The following ADARB2 variants were observed in gnomAD, a reference collection of about 807,000 sequenced individuals.
ADARB2 encodes adenosine deaminase RNA specific B2 (inactive), also known as inactive double-stranded RNA-specific editase B2.
ADARB2 carries 25 observed loss-of-function variants against 62.2 expected under a neutral mutation model. The ratio of observed to expected loss-of-function variants is 0.40; its 90% confidence interval spans 0.29 to 0.56. The LOEUF (loss-of-function observed/expected upper bound fraction) is 0.56, where lower values mean the gene tolerates loss of function less well. Ranked by LOEUF, ADARB2 falls within the 20% of genes least tolerant of loss-of-function variation. The pLI is 0.43. For synonymous variants in ADARB2, 572 were observed against 500.8 expected (o/e 1.14, Z -1.90); for missense variants, 1,071 against 1,077.4 (o/e 0.99, Z 0.08).
intron 1 of ADARB2, among the ~76,000 whole-genome samples, chr10:1,634,448 G>A (rs760158386): frequency 6.6e-6 from 1 of 152,184 alleles, no homozygotes; most frequent in African/African-American, 2.4e-5. Flanking sequence ...GACCATCTGA[G>A]CTGAGAGGAG....
intron 1 of ADARB2, among the ~76,000 whole-genome samples, chr10:1,544,600 G>A (rs1221247491): frequency 6.6e-6 from 1 of 152,130 alleles, no homozygotes; most frequent in African/African-American, 2.4e-5. Flanking sequence ...GCCGGGGCCT[G>A]GACAGGGGGT....
chr10:1,256,972 G>A (rs1831085791), intron 4 of ADARB2, among the ~76,000 whole-genome samples: 1 of 152,162 alleles, frequency 6.6e-6, no homozygotes. Context: ...AGAGCATGAA[G>A]CCCGCGCTCA....
chr10:1,725,868 A>T (rs1033991903), intron 1 of ADARB2, among the ~76,000 whole-genome samples: 1 of 152,258 alleles, frequency 6.6e-6, no homozygotes, highest in African/African-American at 2.4e-5. Flanking sequence ...GGAGAGAGGC[A>T]TGAAGGCCAT....
At chr10:1,660,958 A>G (rs970478652) in intron 1 of ADARB2, among the ~76,000 whole-genome samples, 3 of 152,172 alleles carry the variant, frequency 2.0e-5, no homozygotes, top group Non-Finnish European at 4.4e-5. Flanking sequence ...CAACCCTGAG[A>G]TAAACCCCCC....
At chr10:1,325,191 G>A (rs1392979885) in intron 3 of ADARB2, among the ~76,000 whole-genome samples, 1 of 152,184 alleles carries the variant, frequency 6.6e-6, no homozygotes, top group Non-Finnish European at 1.5e-5. Flanking sequence ...CACAGATAGT[G>A]TCCATGAACC....
In ADARB2 at chr10:1,317,958, T is replaced by G. The variant is rs116638297; in HGVS notation, c.1077+45070A>C. Among the ~76,000 whole-genome samples the G allele has an allele frequency of 8.3e-3, 1,256 of 152,138 alleles. 11 individuals carry two copies. The highest frequency in any genetic ancestry group is 0.019 in the African/African-American group (774 of 41,494). ...GCCCCTTTACTCGACCCTCCCTCAA[T>G]CCCCGGTGTGAGTGCCAGGTAACTG... On this transcript the variant is annotated intron_variant, in intron 3 of 9. Coordinates refer to ENST00000381312, the MANE Select transcript of ADARB2 (RefSeq NM_018702.4).
chr10:1,432,843 G>T (rs553699071), intron 1 of ADARB2, among the ~76,000 whole-genome samples: 11 of 152,162 alleles, frequency 7.2e-5, no homozygotes, highest in African/African-American at 2.4e-4. Context: ...GAAGGCCCAG[G>T]CATCCCCCAA....
chr10:1,618,338 A>G (rs536875120), intron 1 of ADARB2, among the ~76,000 whole-genome samples: 2 of 152,348 alleles, frequency 1.3e-5, no homozygotes, highest in South Asian at 4.1e-4. Flanking sequence ...GGATATTGTA[A>G]AAGTATGTAT....
chr10:1,389,897 T>C (rs988118034), intron 1 of ADARB2, among the ~76,000 whole-genome samples: 7 of 152,152 alleles, frequency 4.6e-5, no homozygotes, highest in Non-Finnish European at 1.0e-4. Context: ...GGAAAATGTC[T>C]TGGTTGTTAA....
intron 3 of ADARB2, among the ~76,000 whole-genome samples, chr10:1,360,600 C>T (rs1832243646): frequency 6.6e-6 from 1 of 152,182 alleles, no homozygotes; most frequent in South Asian, 2.1e-4. Flanking sequence ...GCTGAAGGTT[C>T]CTGGCCCTGA....
At chr10:1,395,351 A>G (rs1363500505) in intron 1 of ADARB2, among the ~76,000 whole-genome samples, 1 of 152,142 alleles carries the variant, frequency 6.6e-6, no homozygotes, top group African/African-American at 2.4e-5. Context: ...TCCTGTCTCC[A>G]ACCTGGGACT....
At chr10:1,656,581 G>A (rs1211747025) in intron 1 of ADARB2, among the ~76,000 whole-genome samples, 2 of 152,014 alleles carry the variant, frequency 1.3e-5, no homozygotes, top group Non-Finnish European at 2.9e-5. Flanking sequence ...TATTCCTCTA[G>A]TGCGTGGTCT....
At chr10:1,342,406 A>G (rs1832038197) in intron 3 of ADARB2, among the ~76,000 whole-genome samples, 1 of 152,226 alleles carries the variant, frequency 6.6e-6, no homozygotes, top group Non-Finnish European at 1.5e-5. Context: ...GTCTGCTCAC[A>G]TTAAACATTA....
In ADARB2 at chr10:1,737,107, C is replaced by G. The variant is rs770999496; in HGVS notation, c.44G>C (p.Ser15Thr). Residue 15 changes from serine (S) to threonine (T), a missense_variant, in exon 1 of 10, where the codon AGC (serine) becomes ACC (threonine). By Grantham distance (58) the Ser-to-Thr change is moderately conservative. Transcript: ENST00000381312. ...LGSGRGSGGLSSQLKCKSKRR... is the reference protein window; with the variant it reads ...LGSGRGSGGLTSQLKCKSKRR... Reference sequence around the variant, plus strand: ...CTTGGACTTGCATTTGAGTTGACTGCTCAGCCCTCCAGACCCTCTGCCGCT... The same window carrying G: ...CTTGGACTTGCATTTGAGTTGACTGGTCAGCCCTCCAGACCCTCTGCCGCT... 3 of 1,611,158 alleles carry G rather than the reference C, an allele frequency of 1.9e-6. No individual in the cohort carries two copies. The highest frequency in any genetic ancestry group is 2.7e-5 in the African/African-American group (2 of 74,930).
At chr10:1,405,831 C>A (rs1832703156) in intron 1 of ADARB2, among the ~76,000 whole-genome samples, 2 of 152,070 alleles carry the variant, frequency 1.3e-5, no homozygotes, top group African/African-American at 2.4e-5. Context: ...CAAGATACAC[C>A]TGTTTATTAA....
chr10:1,610,261 T>G (rs1045043702), intron 1 of ADARB2, among the ~76,000 whole-genome samples: 13 of 152,102 alleles, frequency 8.5e-5, no homozygotes, highest in Non-Finnish European at 1.6e-4. Flanking sequence ...GCCTCCAGCC[T>G]CTGCACAAGG....
intron 1 of ADARB2, chr10:1,678,426 G>T: frequency 1.3e-6 from 1 of 788,780 alleles, no homozygotes; most frequent in African/African-American, 1.9e-5. Flanking sequence ...TTCCCTTTCA[G>T]CACTCAGGAC....
rs1039295746 is a variant in ADARB2, at chr10:1,262,647, A to T, written c.1192+8308T>A. ...CAGGAAACAACAGGTGCTGGAGAGG[A>T]TGTGGAGAAATAGGAACACTTTTAC... On this transcript the variant is annotated intron_variant, in intron 4 of 9. Transcript: ENST00000381312. 4.6e-5 allele frequency among the ~76,000 whole-genome samples: 7 copies of T among 152,272 alleles called. No individual in the cohort carries two copies. The South Asian group carries it at 1.5e-3, about 32-fold the overall frequency.
intron 7 of ADARB2, among the ~76,000 whole-genome samples, chr10:1,211,040 G>A (rs1181742721): frequency 6.6e-6 from 1 of 152,106 alleles, no homozygotes; most frequent in East Asian, 1.9e-4. Flanking sequence ...CGCTGTGAGG[G>A]GTTCAAAACC....
Sources: allele counts gnomAD v4.1 joint callset (sites outside exome capture counted in the v4.1 genomes callset), GRCh38; gene constraint gnomAD v4.1.1; transcripts MANE v1.5; gene names NCBI Gene and HGNC (gene_info 2026-07-23, HGNC 2026-07-21).